The following SULF1 variants were observed in gnomAD, a reference collection of about 807,000 sequenced individuals.
SULF1 encodes the protein extracellular sulfatase Sulf-1.
Under a neutral mutation model 110.5 loss-of-function variants are expected in SULF1, and 46 were observed. The observed-to-expected ratio is 0.42, with a 90% CI of 0.33 to 0.53. The LOEUF is 0.53. Among genes scored for constraint, SULF1 ranks in the 20% least tolerant of loss-of-function variants. The pLI, the probability that SULF1 is intolerant of heterozygous loss-of-function variation, is 0.12. For synonymous variants in SULF1, 371 were observed against 387.1 expected, an observed-to-expected ratio of 0.96 and a Z score of 0.49; for missense variants, 941 against 1,094.2, an observed-to-expected ratio of 0.86 and a Z score of 1.98.
At chr8:69,522,466 T>C (rs896528201) in intron 3 of SULF1, among the ~76,000 whole-genome samples, 1 of 152,044 alleles carries the variant, frequency 6.6e-6, no homozygotes, top group African/African-American at 2.4e-5. Context: ...GTTTCGGAAG[T>C]TGAGTTTGAG....
intron 1 of SULF1, among the ~76,000 whole-genome samples, chr8:69,494,884 GAAAAA>G (rs59596365): frequency 9.1e-6 from 1 of 109,688 alleles, no homozygotes; most frequent in Admixed American, 9.8e-5. Flanking sequence ...TATCTCAAAG[GAAAAA>G]AAAAAAAAAA....
At position 69,632,663 on chromosome 8, in the gene SULF1, T is replaced by C. The variant is rs147161619; in HGVS notation, c.2284+2984T>C. Among the ~76,000 whole-genome samples, 53 of 152,218 alleles carry C rather than the reference T, an allele frequency of 3.5e-4. No homozygotes were observed. The East Asian group carries it at 0.01, about 29-fold the overall frequency. ...TTTATTATGTACCCATATCAATTTTTAAAATAAACACACCGTCTATATTTC... is the reference window on the plus strand; with the variant it reads ...TTTATTATGTACCCATATCAATTTTCAAAATAAACACACCGTCTATATTTC... On this transcript the variant is annotated intron_variant, in intron 19 of 22. Coordinates refer to ENST00000402687, the MANE Select transcript of SULF1 (RefSeq NM_001128205.2).
intron 3 of SULF1, among the ~76,000 whole-genome samples, chr8:69,540,628 G>A (rs1426690273): frequency 4.6e-5 from 7 of 152,176 alleles, no homozygotes; most frequent in East Asian, 1.9e-4. Context: ...TGGTGACAGC[G>A]TTTCCTGCCT....
intron 2 of SULF1, among the ~76,000 whole-genome samples, chr8:69,500,881 G>C (rs1353137655): frequency 1.3e-5 from 2 of 152,206 alleles, no homozygotes; most frequent in East Asian, 3.9e-4. Context: ...GCAGCACCAG[G>C]CCAGCTCCAA....
chr8:69,495,250 G>T (rs2150561268), intron 1 of SULF1, among the ~76,000 whole-genome samples: 1 of 152,212 alleles, frequency 6.6e-6, no homozygotes, highest in Admixed American at 6.5e-5. Flanking sequence ...GGATGTGGTG[G>T]CATGTGTCTG....
intron 22 of SULF1, among the ~76,000 whole-genome samples, chr8:69,643,576 ACTT>A (rs1367339461): frequency 2.0e-5 from 3 of 152,198 alleles, no homozygotes; most frequent in African/African-American, 7.2e-5. Context: ...TTTTAAACTG[ACTT>A]CTTTTTGGTG....
At position 69,658,421 on chromosome 8, in the gene SULF1, T is replaced by C. The variant is rs529904197; in HGVS notation, c.2586-84T>C. 1.1e-4 allele frequency: 107 copies of C among 990,462 alleles called. 1 individual carries two copies. In the Admixed American group the frequency reaches 1.7e-3, roughly 16 times the overall value. 61.4% of individuals were successfully genotyped at this position (990,462 alleles called of 1,614,324 possible). On this transcript the variant is annotated intron_variant, in intron 22 of 22. Coordinates refer to ENST00000402687, the MANE Select transcript of SULF1 (RefSeq NM_001128205.2). ...TGTCATACTTCTCATTGATTAACTC[T>C]GTAAAAACAATGTAAGTTGCTTGTC...
intron 3 of SULF1, chr8:69,562,753 G>C (rs1374726746): frequency 6.5e-6 from 1 of 153,046 alleles, no homozygotes; most frequent in African/African-American, 2.4e-5. Context: ...CTCCAGCCTC[G>C]GGGCCAATCA....
chr8:69,614,326 G>A (rs79257274), intron 13 of SULF1, among the ~76,000 whole-genome samples: 3,476 of 152,158 alleles, frequency 0.023, 131 homozygotes, highest in African/African-American at 0.079. Flanking sequence ...ACACCATTCC[G>A]AGTCCAAGAC....
intron 3 of SULF1, among the ~76,000 whole-genome samples, chr8:69,511,832 G>A (rs1033147465): frequency 6.6e-6 from 1 of 152,158 alleles, no homozygotes; most frequent in African/African-American, 2.4e-5. Context: ...TGGTTTGCAA[G>A]TTATATACAT....
At chr8:69,471,555 T>A (rs144586622) in intron 1 of SULF1, among the ~76,000 whole-genome samples, 1 of 152,196 alleles carries the variant, frequency 6.6e-6, no homozygotes, top group African/African-American at 2.4e-5. Flanking sequence ...AGAAATTACA[T>A]GTATTGGCTG....
At chr8:69,549,113 C>T (rs1470227774) in intron 3 of SULF1, among the ~76,000 whole-genome samples, 1 of 152,208 alleles carries the variant, frequency 6.6e-6, no homozygotes, top group East Asian at 1.9e-4. Flanking sequence ...CTCGCAGTTT[C>T]CATCAGCAAT....
chr8:69,614,955 A>G (rs1808971094), intron 13 of SULF1, among the ~76,000 whole-genome samples: 1 of 152,256 alleles, frequency 6.6e-6, no homozygotes, highest in Non-Finnish European at 1.5e-5. Context: ...AGAAAACAGG[A>G]AAACAATTTG....
intron 6 of SULF1, among the ~76,000 whole-genome samples, chr8:69,582,688 GAA>G (rs3059986): frequency 0.19 from 26,532 of 136,622 alleles, 3,173 homozygotes; most frequent in East Asian, 0.5. Context: ...TGCCTTCTTG[GAA>G]AAAAAAAAAA....
intron 6 of SULF1, among the ~76,000 whole-genome samples, chr8:69,584,264 G>A (rs549279120): frequency 5.3e-5 from 8 of 152,310 alleles, no homozygotes; most frequent in Non-Finnish European, 1.2e-4. Context: ...TACCAGGGAT[G>A]GCAGGAGGGA....
At chr8:69,607,209 T>TA (rs1808289403) in intron 13 of SULF1, among the ~76,000 whole-genome samples, 1 of 152,248 alleles carries the variant, frequency 6.6e-6, no homozygotes, top group African/African-American at 2.4e-5. Context: ...TGATGCTCCC[T>TA]AAAGTTTGAG....
upstream of SULF1, among the ~76,000 whole-genome samples, chr8:69,487,911 C>T (rs1809770841): frequency 6.6e-6 from 1 of 152,274 alleles, no homozygotes; most frequent in South Asian, 2.1e-4. Flanking sequence ...TAGCCATAAC[C>T]TTCAGAGTGA....
chr8:69,594,679 T>A (rs1807170190), intron 8 of SULF1, among the ~76,000 whole-genome samples: 1 of 152,046 alleles, frequency 6.6e-6, no homozygotes, highest in East Asian at 1.9e-4. Flanking sequence ...TGAAAGGACG[T>A]GCTTTTGAAG....
chr8:69,476,789 T>C (rs1332568053), intron 1 of SULF1, among the ~76,000 whole-genome samples: 2 of 152,220 alleles, frequency 1.3e-5, no homozygotes, highest in African/African-American at 4.8e-5. Flanking sequence ...AGTTTATATT[T>C]GGAAGCCATT....
Sources: gnomAD v4.1 joint callset for allele counts (sites outside exome capture counted in the v4.1 genomes callset) on GRCh38, gnomAD v4.1.1 for gene constraint, MANE v1.5 for transcripts, NCBI Gene and HGNC (gene_info 2026-07-23, HGNC 2026-07-21) for gene names.